Variants in LIFR observed in about 807,000 individuals in gnomAD.
The protein encoded by LIFR is leukemia inhibitory factor receptor.
A neutral mutation model predicts 122.2 loss-of-function variants in LIFR; 84 were observed. The ratio of observed to expected loss-of-function variants is 0.69; its 90% CI spans 0.58 to 0.82. The LOEUF (loss-of-function observed/expected upper bound fraction) is 0.82. Among genes scored for constraint, LIFR ranks in the 40% least tolerant of loss-of-function variants. The pLI, the probability that LIFR is intolerant of heterozygous loss-of-function variation, is 0.00. For synonymous variants in LIFR, 422 were observed against 434.7 expected, an observed-to-expected ratio of 0.97 and a Z score of 0.36; for missense variants, 1,294 against 1,311.6, an observed-to-expected ratio of 0.99 and a Z score of 0.21.
intron 1 of LIFR, among the ~76,000 whole-genome samples, chr5:38,592,038 C>A (rs1025248468): frequency 4.6e-5 from 7 of 152,142 alleles, no homozygotes; most frequent in African/African-American, 1.7e-4. Context: ...ATCCATAGTT[C>A]CTTAACTCCA....
intron 1 of LIFR, among the ~76,000 whole-genome samples, chr5:38,587,656 A>G (rs1749794155): frequency 6.6e-6 from 1 of 152,120 alleles, no homozygotes; most frequent in Non-Finnish European, 1.5e-5. Flanking sequence ...AGTGTACGGG[A>G]TGGGGGACAA....
At position 38,567,504 on chromosome 5, in the gene LIFR, T is replaced by TTATTTATTTATG. The variant is rs1265925527; in HGVS notation, c.-20+27756_-20+27757insCATAAATAAATA. ...AGGAATATGACCATTCTGTATTTAT[T>TTATTTATTTATG]TATTTATTTATTTATTTATTTATTT... On this transcript the variant is annotated intron_variant, in intron 1 of 19. Transcript: ENST00000263409. Among the ~76,000 whole-genome samples the TTATTTATTTATG allele has an allele frequency of 4.5e-3, 634 of 142,078 alleles. 5 individuals are homozygous for TTATTTATTTATG. The highest frequency in any genetic ancestry group is 0.016 in the African/African-American group (608 of 37,504). 93.2% of individuals were successfully genotyped at this position (142,078 alleles called of 152,430 possible).
chr5:38,485,139 C>T (rs1744215130), intron 17 of LIFR, among the ~76,000 whole-genome samples: 2 of 152,304 alleles, frequency 1.3e-5, no homozygotes, highest in Non-Finnish European at 2.9e-5. Context: ...TCAGGGGAGA[C>T]AGTCCTTGCA....
In LIFR at chr5:38,511,663, G is replaced by A. The variant is rs576836562; in HGVS notation, c.736+127C>T. ...AAAATCTCCAGGGATGGTGGGCTTA[G>A]ACGCTCCCAGGTAATCCTCATGCAG... is the stretch of plus-strand genomic sequence containing the variant. On this transcript the variant is annotated intron_variant, in intron 6 of 19. Coordinates refer to ENST00000453190, the MANE Select transcript of LIFR (RefSeq NM_001127671.2). 88 of 860,116 alleles carry A rather than the reference G, an allele frequency of 1.0e-4. No homozygotes were observed. In the African/African-American group the frequency reaches 1.4e-3, roughly 14 times the overall value. The allele number at this position is 860,116 out of a possible 1,614,324, so 53.3% of individuals were successfully genotyped here. A position where few individuals can be genotyped will look rare whatever the true frequency, so the allele number is the denominator to read the frequency against.
chr5:38,540,021 G>C (rs1009018343), intron 1 of LIFR, among the ~76,000 whole-genome samples: 1 of 152,066 alleles, frequency 6.6e-6, no homozygotes, highest in Non-Finnish European at 1.5e-5. Context: ...AGTGGGATCT[G>C]TAGCCAACTC....
Position 38,542,449 on chromosome 5 carries a change from A to G in LIFR, c.-19-11783T>C, listed in dbSNP as rs377763718. Among the ~76,000 whole-genome samples, 4 of 152,268 alleles carry G rather than the reference A, an allele frequency of 2.6e-5. No individual in the cohort carries two copies. In the East Asian group the frequency reaches 7.7e-4, roughly 29 times the overall value. On this transcript the variant is annotated intron_variant, in intron 1 of 19. Transcript: ENST00000453190. ...ACCAGGTAAATAAGGACAAACCTCC[A>G]GAGTCGGGCCTAGTTGGGGCCTCTT...
chr5:38,510,330 TTTATA>T, intron 7 of LIFR, 129 bp downstream of exon 7: 1 of 838,846 alleles, frequency 1.2e-6, no homozygotes, highest in Non-Finnish European at 1.9e-6. Flanking sequence ...TTGTATAGCC[TTTATA>T]TTAAAGAACA....
At chr5:38,577,819 G>T (rs1250051669) in intron 1 of LIFR, among the ~76,000 whole-genome samples, 1 of 152,150 alleles carries the variant, frequency 6.6e-6, no homozygotes, top group Non-Finnish European at 1.5e-5. Context: ...TTAGAATCAG[G>T]CTTTTTGAAC....
chr5:38,562,117 C>A (rs889624914), intron 1 of LIFR, among the ~76,000 whole-genome samples: 5 of 152,146 alleles, frequency 3.3e-5, no homozygotes, highest in African/African-American at 1.2e-4. Flanking sequence ...CTCTCTTTCC[C>A]GAGTGAACTC....
intron 18 of LIFR, 130 bp downstream of exon 18, chr5:38,484,644 TA>T: frequency 1.5e-6 from 1 of 678,940 alleles, no homozygotes; most frequent in Non-Finnish European, 2.7e-6. Flanking sequence ...ACATTAATTC[TA>T]ATTAAAACAT....
intron 1 of LIFR, among the ~76,000 whole-genome samples, chr5:38,555,271 A>T (rs962656145): frequency 1.3e-5 from 2 of 152,182 alleles, no homozygotes; most frequent in African/African-American, 4.8e-5. Context: ...TAACAGTGAA[A>T]TGTAATTTCA....
chr5:38,556,764 C>T (rs1300090427), upstream of LIFR: 1 of 147,176 alleles, frequency 6.8e-6, no homozygotes, highest in East Asian at 2.0e-4. Context: ...GCGCCCCCGC[C>T]GATCCCCGGC....
chr5:38,551,829 T>A (rs955964029), intron 1 of LIFR, among the ~76,000 whole-genome samples: 1 of 152,314 alleles, frequency 6.6e-6, no homozygotes, highest in Admixed American at 6.5e-5. Context: ...CAAACACATA[T>A]CTTTGCTCAC....
At chr5:38,503,814 T>C (rs1745308609) in intron 10 of LIFR, among the ~76,000 whole-genome samples, 162 bp downstream of exon 10, 1 of 152,234 alleles carries the variant, frequency 6.6e-6, no homozygotes, top group Non-Finnish European at 1.5e-5. Context: ...GTTTTTCAAA[T>C]GATACAATGC....
rs4515316 is a variant in LIFR at position 38,562,706 on chromosome 5, T to C, written c.-19-32040A>G. 4.7e-3 allele frequency among the ~76,000 whole-genome samples: 723 copies of C among 152,304 alleles called. 5 individuals carry two copies. The highest frequency in any genetic ancestry group is 0.017 in the African/African-American group (703 of 41,558). On this transcript the variant is annotated intron_variant, in intron 1 of 19. Coordinates refer to the LIFR transcript ENST00000263409. The stretch of plus-strand genomic sequence containing the variant: ...CCAGGGGTGGTGGAGTGGTTCAAAA[T>C]TGAACTCAAATTCCTTAAATCCTTG...
At chr5:38,526,236 T>A (rs1032250050) in intron 4 of LIFR, among the ~76,000 whole-genome samples, 29 of 152,194 alleles carry the variant, frequency 1.9e-4, no homozygotes, top group Non-Finnish European at 7.3e-5. Context: ...GCTTTACCCA[T>A]AATCTACGTG....
intron 10 of LIFR, 126 bp from the exon 11 acceptor site, chr5:38,502,925 G>A (rs376705632): frequency 2.6e-4 from 118 of 462,498 alleles, no homozygotes; most frequent in African/African-American, 2.0e-3. Flanking sequence ...ACAAACCAAC[G>A]GAATGTCAAT....
intron 1 of LIFR, among the ~76,000 whole-genome samples, chr5:38,563,820 C>T (rs2112697966): frequency 6.6e-6 from 1 of 152,288 alleles, no homozygotes; most frequent in South Asian, 2.1e-4. Context: ...CAGTCTGGCT[C>T]CAAAGCCCAC....
At chr5:38,512,450 C>G (rs1745850368) in intron 5 of LIFR, among the ~76,000 whole-genome samples, 1 of 151,304 alleles carries the variant, frequency 6.6e-6, no homozygotes, top group South Asian at 2.1e-4. Context: ...GAAACCCCAT[C>G]TCTACAAAAA....
Sources: gnomAD v4.1 joint callset for allele counts (sites outside exome capture counted in the v4.1 genomes callset) on GRCh38, gnomAD v4.1.1 for gene constraint, MANE v1.5 for transcripts, NCBI Gene and HGNC (gene_info 2026-07-23, HGNC 2026-07-21) for gene names.